ANK3: variants seen among roughly 807,000 people sequenced by gnomAD.
The protein encoded by ANK3 is ankyrin-3.
In ANK3, 57 loss-of-function variants were observed where a neutral mutation model predicts 370.9. The observed-to-expected ratio is 0.15, with a 90% CI of 0.12 to 0.19. The LOEUF (loss-of-function observed/expected upper bound fraction) is 0.19. ANK3 is among the 10% of genes least tolerant of loss of function. The pLI, the probability that ANK3 is intolerant of heterozygous loss-of-function variation, is 1.00. For synonymous variants in ANK3, 1,929 were observed against 1,946.3 expected, an observed-to-expected ratio of 0.99 and a Z score of 0.23; for missense variants, 4,439 against 5,302.1, an observed-to-expected ratio of 0.84 and a Z score of 5.06.
At chr10:60,530,251 A>AT (rs1288419044) in intron 2 of ANK3, among the ~76,000 whole-genome samples, 6 of 152,054 alleles carry the variant, frequency 3.9e-5, no homozygotes, top group African/African-American at 1.4e-4. Flanking sequence ...AGCCATCAAA[A>AT]TTTTTCTTTG....
intron 8 of ANK3, among the ~76,000 whole-genome samples, chr10:60,234,174 A>G (rs2097294106): frequency 6.6e-6 from 1 of 152,166 alleles, no homozygotes; most frequent in African/African-American, 2.4e-5. Flanking sequence ...CCTCTTGCCT[A>G]TTGCTGCTAT....
At chr10:60,105,184 C>T (rs562729859) in intron 28 of ANK3, among the ~76,000 whole-genome samples, 2 of 151,250 alleles carry the variant, frequency 1.3e-5, no homozygotes, top group African/African-American at 4.9e-5. Flanking sequence ...CAGCATCAGA[C>T]GTTATGGTGA....
rs201103406 is a variant in ANK3, at chr10:60,218,099, T to TTC, written c.898-4590_898-4589insGA. Among the ~76,000 whole-genome samples the TTC allele has an allele frequency of 4.3e-3, 386 of 89,098 alleles. 3 individuals carry two copies. Among genetic ancestry groups the TTC allele is most frequent in the African/African-American group, 0.02 (357 of 18,026 alleles). 58.5% of individuals were successfully genotyped at this position (89,098 alleles called of 152,430 possible). ...ACCCCTGCTTTTTCTTTTTCTTTCT[T>TTC]TTTTTTTTTTTTTTTTTTGCTTTCC... On this transcript the variant is annotated intron_variant, in intron 8 of 43. Coordinates refer to ENST00000280772, the MANE Select transcript of ANK3 (RefSeq NM_020987.5).
At chr10:60,654,898 G>A (rs1479731721) in intron 1 of ANK3, among the ~76,000 whole-genome samples, 1 of 152,002 alleles carries the variant, frequency 6.6e-6, no homozygotes, top group Non-Finnish European at 1.5e-5. Context: ...TTGACATTTT[G>A]GTCAATGACA....
chr10:60,481,157 A>G (rs1215321406), intron 2 of ANK3, among the ~76,000 whole-genome samples: 2 of 152,192 alleles, frequency 1.3e-5, no homozygotes, highest in Non-Finnish European at 2.9e-5. Flanking sequence ...AGTGATCTTA[A>G]CAAGCCTGAA....
At chr10:60,310,615 A>G (rs967786805) in intron 1 of ANK3, among the ~76,000 whole-genome samples, 1 of 152,220 alleles carries the variant, frequency 6.6e-6, no homozygotes, top group Non-Finnish European at 1.5e-5. Context: ...TAATAAATCA[A>G]TGTGACGGTG....
chr10:60,539,943 G>A (rs773157885), intron 2 of ANK3, among the ~76,000 whole-genome samples: 1 of 151,924 alleles, frequency 6.6e-6, no homozygotes, highest in Non-Finnish European at 1.5e-5. Context: ...TCAAAATTAA[G>A]TGCCTCAAAA....
In ANK3 at chr10:60,474,608, C is replaced by T. The variant is rs189702349; in HGVS notation, c.96+140578G>A. 3.2e-4 allele frequency among the ~76,000 whole-genome samples: 49 copies of T among 152,326 alleles called. No homozygotes were observed. In the East Asian group the frequency reaches 7.9e-3, roughly 25 times the overall value. ...TGTGATTTCATACTTCGGCCTCTAG[C>T]AATTGTGGCCTTTCAAATAGTAATC... On this transcript the variant is annotated intron_variant, in intron 2 of 43. Coordinates refer to the ANK3 transcript ENST00000373827.
chr10:60,328,041 A>G (rs142531638), intron 1 of ANK3, among the ~76,000 whole-genome samples: 2 of 152,216 alleles, frequency 1.3e-5, no homozygotes, highest in South Asian at 2.1e-4. Flanking sequence ...TTAAAAAAAA[A>G]GAATCCCTTC....
chr10:60,220,784 A>G (rs1258395718), intron 8 of ANK3, among the ~76,000 whole-genome samples: 1 of 152,156 alleles, frequency 6.6e-6, no homozygotes, highest in Non-Finnish European at 1.5e-5. Context: ...GGTTCTCAGG[A>G]TCTCCTAAGG....
chr10:60,123,726 A>G (rs1343333578), intron 25 of ANK3, among the ~76,000 whole-genome samples: 3 of 152,214 alleles, frequency 2.0e-5, no homozygotes, highest in African/African-American at 4.8e-5. Context: ...AAATCTCCCA[A>G]TAACAGGTCA....
intron 23 of ANK3, among the ~76,000 whole-genome samples, chr10:60,166,310 T>C (rs2095623276): frequency 6.6e-6 from 1 of 152,196 alleles, no homozygotes; most frequent in Non-Finnish European, 1.5e-5. Context: ...AGCATCAGTA[T>C]TCTGTTCGAT....
chr10:60,254,101 C>T (rs1329694687), intron 7 of ANK3, among the ~76,000 whole-genome samples: 1 of 152,164 alleles, frequency 6.6e-6, no homozygotes, highest in Non-Finnish European at 1.5e-5. Flanking sequence ...ACATAACCTA[C>T]ACACACTCTC....
rs1262670106 is a variant in ANK3, at chr10:60,055,970, A to C, written c.12753T>G (p.Asn4251Lys). The change falls in exon 42 of 44, where the codon AAT (asparagine) becomes AAG (lysine). Residue 4251 changes from asparagine (N) to lysine (K), a missense_variant. Asn to Lys is a moderately conservative substitution (Grantham distance 94). Transcript: ENST00000280772. ...LKGEAGKFEA[N>K]GSHTEITPEA... The stretch of plus-strand genomic sequence containing the variant: ...CTGGAGTGATTTCTGTATGGCTTCC[A>C]TTTGCTTCAAATTTGCCAGCTTCTC... 6.2e-7 allele frequency: 1 copy of C among 1,613,964 alleles called. No individual in the cohort carries two copies. Among genetic ancestry groups the C allele is most frequent in the Non-Finnish European group, 8.5e-7 (1 of 1,179,996 alleles).
chr10:60,415,265 G>T (rs1036020283), intron 2 of ANK3, among the ~76,000 whole-genome samples: 1 of 152,136 alleles, frequency 6.6e-6, no homozygotes, highest in Non-Finnish European at 1.5e-5. Flanking sequence ...TCATGCCTCC[G>T]TTATTCCCAG....
chr10:60,055,728 G>C lies in ANK3; in HGVS notation c.12995C>G (p.Thr4332Ser). ...VPVSMKKMSR[T>S]SPADGKPRLS... is the part of the protein sequence containing the mutation. Reference sequence around the variant, plus strand: ...CCTTGGCTTGCCATCTGCTGGAGAAGTCCTACTCATCTTTTTCATACTGAC... The same window carrying C: ...CCTTGGCTTGCCATCTGCTGGAGAACTCCTACTCATCTTTTTCATACTGAC... Residue 4332 changes from threonine to serine, a missense_variant, in exon 42 of 44, where the codon ACT becomes AGT. Thr to Ser is a moderately conservative substitution (Grantham distance 58, BLOSUM62 1). Transcript: ENST00000280772. The C allele has an allele frequency of 6.2e-7, 1 of 1,614,154 alleles. No individual in the cohort carries two copies. The highest frequency in any genetic ancestry group is 8.5e-7 in the Non-Finnish European group (1 of 1,180,022).
At chr10:60,109,413 G>A (rs2092506015) in intron 26 of ANK3, among the ~76,000 whole-genome samples, 1 of 152,124 alleles carries the variant, frequency 6.6e-6, no homozygotes, top group African/African-American at 2.4e-5. Flanking sequence ...TATATTCAAA[G>A]GTCATTTTAA....
At chr10:60,213,061 G>C (rs572911270) in intron 9 of ANK3, among the ~76,000 whole-genome samples, 1 of 152,076 alleles carries the variant, frequency 6.6e-6, no homozygotes, top group African/African-American at 2.4e-5. Flanking sequence ...GTAAGCTGAG[G>C]TGCTGAAGAT....
chr10:60,274,099 A>G (rs542200072), intron 4 of ANK3, among the ~76,000 whole-genome samples: 1 of 152,154 alleles, frequency 6.6e-6, no homozygotes, highest in South Asian at 2.1e-4. Context: ...TAGCTTCCTG[A>G]GTAGCTAGGA....
Sources: allele counts gnomAD v4.1 joint callset (sites outside exome capture counted in the v4.1 genomes callset), GRCh38; gene constraint gnomAD v4.1.1; transcripts MANE v1.5; gene names NCBI Gene and HGNC (gene_info 2026-07-23, HGNC 2026-07-21).